Variants in AUTS2 observed in about 807,000 individuals in gnomAD.
The protein encoded by AUTS2 is autism susceptibility gene 2 protein.
AUTS2 carries 17 observed loss-of-function variants against 112.4 expected under a neutral mutation model. The ratio of observed to expected loss-of-function variants is 0.15; its 90% CI spans 0.10 to 0.23. The LOEUF (loss-of-function observed/expected upper bound fraction) is 0.23. Among genes scored for constraint, AUTS2 ranks in the 10% least tolerant of loss-of-function variants. The probability of loss-of-function intolerance (pLI) is 1.00; values close to 1 mark genes in which losing one functional copy is unlikely to be tolerated. For synonymous variants in AUTS2, 751 were observed against 702.7 expected, an observed-to-expected ratio of 1.07 and a Z score of -1.09; for missense variants, 1,510 against 1,701.6, an observed-to-expected ratio of 0.89 and a Z score of 1.98.
At chr7:69,955,182 G>T (rs191259815) in intron 2 of AUTS2, among the ~76,000 whole-genome samples, 28 of 152,206 alleles carry the variant, frequency 1.8e-4, no homozygotes, top group African/African-American at 6.5e-4. Context: ...TAGCCTCAAG[G>T]GTGTGTTCAG....
intron 1 of AUTS2, among the ~76,000 whole-genome samples, chr7:69,715,269 T>A (rs551673492): frequency 1.3e-5 from 2 of 151,488 alleles, no homozygotes; most frequent in East Asian, 3.9e-4. Context: ...TTCAAACATG[T>A]TCAGAGTAAC....
chr7:70,653,145 C>T (rs1184835607), intron 5 of AUTS2, among the ~76,000 whole-genome samples: 1 of 152,146 alleles, frequency 6.6e-6, no homozygotes, highest in Non-Finnish European at 1.5e-5. Flanking sequence ...GTCCTACCTA[C>T]TCAGGAGGCT....
intron 1 of AUTS2, among the ~76,000 whole-genome samples, chr7:69,759,316 T>C (rs149540514): frequency 0.02 from 3,018 of 152,282 alleles, 41 homozygotes; most frequent in Non-Finnish European, 0.03. Context: ...GTGGTGGGAC[T>C]TAAGTCTAAA....
At chr7:70,421,269 C>G (rs984946894) in intron 4 of AUTS2, among the ~76,000 whole-genome samples, 6 of 151,650 alleles carry the variant, frequency 4.0e-5, no homozygotes, top group African/African-American at 1.5e-4. Context: ...TAATTCTTTT[C>G]TCTCATCCCC....
intron 1 of AUTS2, among the ~76,000 whole-genome samples, chr7:69,780,716 T>G (rs991711660): frequency 9.9e-5 from 15 of 152,198 alleles, no homozygotes; most frequent in African/African-American, 3.6e-4. Context: ...AGCAGTAGAA[T>G]CTAGGGACAA....
chr7:70,320,627 C>G (rs1790211543), intron 4 of AUTS2, among the ~76,000 whole-genome samples: 1 of 152,174 alleles, frequency 6.6e-6, no homozygotes, highest in Non-Finnish European at 1.5e-5. Flanking sequence ...AGTAAGTACT[C>G]TAGTCCAACA....
At chr7:69,873,256 G>A (rs897785022) in intron 1 of AUTS2, among the ~76,000 whole-genome samples, 3 of 152,132 alleles carry the variant, frequency 2.0e-5, no homozygotes, top group Non-Finnish European at 4.4e-5. Context: ...TCTGGCTGTG[G>A]AATCAGATTG....
intron 4 of AUTS2, among the ~76,000 whole-genome samples, chr7:70,249,219 G>A (rs1028684777): frequency 6.6e-6 from 1 of 152,068 alleles, no homozygotes; most frequent in Non-Finnish European, 1.5e-5. Flanking sequence ...AGTTTAAGGT[G>A]CATTTAGGTT....
intron 1 of AUTS2, among the ~76,000 whole-genome samples, chr7:69,866,305 A>G (rs1793229374): frequency 6.6e-6 from 1 of 152,050 alleles, no homozygotes. Flanking sequence ...TCTTTTACTA[A>G]CTTTTCCTTA....
intron 4 of AUTS2, among the ~76,000 whole-genome samples, chr7:70,139,804 G>C (rs2037841405): frequency 6.6e-6 from 1 of 152,078 alleles, no homozygotes; most frequent in African/African-American, 2.4e-5. Context: ...TTCGAGACCA[G>C]CCTGGCCAAC....
chr7:70,004,312 TATTA>T (rs1376840843), intron 2 of AUTS2, among the ~76,000 whole-genome samples: 4 of 136,068 alleles, frequency 2.9e-5, no homozygotes, highest in African/African-American at 1.1e-4. Context: ...TGTGACTATA[TATTA>T]TATATATAAT....
At chr7:69,726,495 A>G (rs1786521341) in intron 1 of AUTS2, among the ~76,000 whole-genome samples, 1 of 148,894 alleles carries the variant, frequency 6.7e-6, no homozygotes, top group South Asian at 2.1e-4. Context: ...AGCTGTAATG[A>G]TCAGTCTTGT....
At chr7:70,779,168 A>G (rs1056758121) in intron 14 of AUTS2, among the ~76,000 whole-genome samples, 1 of 151,848 alleles carries the variant, frequency 6.6e-6, no homozygotes, top group Non-Finnish European at 1.5e-5. Flanking sequence ...ATTCAAAAGA[A>G]TTTTATAGAT....
chr7:69,914,527 G>A (rs970712893), intron 2 of AUTS2, among the ~76,000 whole-genome samples: 1 of 151,850 alleles, frequency 6.6e-6, no homozygotes, highest in African/African-American at 2.4e-5. Context: ...TGCGCCCTGC[G>A]TGGACCGTGT....
rs1241542559 is a variant in AUTS2 at position 70,163,818 on chromosome 7, G to A, written c.660+29247G>A. 2.6e-5 allele frequency among the ~76,000 whole-genome samples: 4 copies of A among 152,188 alleles called. No homozygotes were observed. In the South Asian group the frequency reaches 8.3e-4, roughly 32 times the overall value. ...ACTGAGTAGGAAGCAGAGATTACAT[G>A]TCATTGGGGTGGAGGAAGAAATGCT... is the stretch of plus-strand genomic sequence containing the variant. On this transcript the variant is annotated intron_variant, in intron 4 of 18. Transcript: ENST00000342771.
At chr7:70,325,768 C>T (rs867299484) in intron 4 of AUTS2, among the ~76,000 whole-genome samples, 1 of 152,122 alleles carries the variant, frequency 6.6e-6, no homozygotes, top group Non-Finnish European at 1.5e-5. Flanking sequence ...AAGTTCAGAG[C>T]CATCAGATCC....
At chr7:69,989,528 GA>G (rs1322804626) in intron 2 of AUTS2, among the ~76,000 whole-genome samples, 1 of 129,206 alleles carries the variant, frequency 7.7e-6, no homozygotes, top group Non-Finnish European at 1.6e-5. Flanking sequence ...GGATGAGAGG[GA>G]AGGAGAGAGG....
intron 5 of AUTS2, among the ~76,000 whole-genome samples, chr7:70,540,815 A>G (rs1011847071): frequency 6.6e-6 from 1 of 152,184 alleles, no homozygotes. Context: ...TGACTTCATT[A>G]GCATGACAGA....
At chr7:70,325,777 C>T (rs1790459594) in intron 4 of AUTS2, among the ~76,000 whole-genome samples, 1 of 152,116 alleles carries the variant, frequency 6.6e-6, no homozygotes, top group South Asian at 2.1e-4. Flanking sequence ...GCCATCAGAT[C>T]CACCTGAGAA....
Sources: gnomAD v4.1 joint callset for allele counts (sites outside exome capture counted in the v4.1 genomes callset) on GRCh38, gnomAD v4.1.1 for gene constraint, MANE v1.5 for transcripts, NCBI Gene and HGNC (gene_info 2026-07-23, HGNC 2026-07-21) for gene names.